The following BCL3 variants were observed in gnomAD, a reference collection of about 807,000 sequenced individuals.
The protein encoded by BCL3 is BCL3 transcription coactivator.
BCL3 carries 15 observed loss-of-function variants against 35.7 expected under a neutral mutation model. The observed-to-expected ratio is 0.42, with a 90% CI of 0.28 to 0.65. The LOEUF is 0.65. Among genes scored for constraint, BCL3 ranks in the 30% least tolerant of loss-of-function variants. BCL3 has a pLI of 0.22. For missense variants in BCL3, 565 were observed against 641.7 expected (o/e 0.88, Z 1.29); for synonymous variants, 311 against 284.3 (o/e 1.09, Z -0.95).
chr19:44,753,459 T>C, intron 2 of BCL3, among the ~76,000 whole-genome samples: 1 of 152,092 alleles, frequency 6.6e-6, no homozygotes, highest in Non-Finnish European at 1.5e-5. Context: ...GGAAATCCCT[T>C]CCCGCAGAAC....
Position 44,758,251 on chromosome 19 carries a change from C to A in BCL3, c.897C>A (p.Gly299=). Residue 299 remains glycine (G), a synonymous_variant, in exon 7 of 9, where the codon GGC becomes GGA. Transcript: ENST00000164227. ...CCGGCCCTCCCGTCCCGCAGCACGG[C>A]GCCAACGTGAACGCGCAAATGTACT... ...LSMVQLLLQH[G]ANVNAQMYSG... 1 of 1,495,204 alleles carries A rather than the reference C, an allele frequency of 6.7e-7. No individual in the cohort carries two copies. Among genetic ancestry groups the A allele is most frequent in the South Asian group, 1.3e-5 (1 of 75,350 alleles). The allele number at this position is 1,495,204 out of a possible 1,614,324, so 92.6% of individuals were successfully genotyped here. A position where few individuals can be genotyped will look rare whatever the true frequency, so the allele number is the denominator to read the frequency against.
upstream of BCL3, chr19:44,748,213 CAG>C (rs773917240): frequency 7.2e-6 from 4 of 556,358 alleles, no homozygotes; most frequent in African/African-American, 4.0e-5. Flanking sequence ...AACTGAGAGG[CAG>C]AGAGATGGTG....
Position 44,758,308 on chromosome 19 carries a change from C to T in BCL3, c.954C>T (p.Gly318=). ...GCTCCGCCCTGCACTCAGCGTCCGG[C>T]CGCGGGCTCCTCCCGCTGGTGCGCA... ...SGSSALHSAS[G]RGLLPLVRTL... Residue 318 remains glycine, a synonymous_variant, in exon 7 of 9, where the codon GGC becomes GGT. Transcript: ENST00000164227. 1 of 1,567,850 alleles carries T rather than the reference C, an allele frequency of 6.4e-7. No homozygotes were observed. The highest frequency in any genetic ancestry group is 8.6e-7 in the Non-Finnish European group (1 of 1,165,842).
chr19:44,754,777 C>T (rs903858814), intron 2 of BCL3, among the ~76,000 whole-genome samples: 13 of 152,242 alleles, frequency 8.5e-5, no homozygotes, highest in Admixed American at 2.6e-4. Context: ...GATTAGGAGT[C>T]AGGTTCAGCG....
chr19:44,748,981 G>T lies in BCL3; in HGVS notation c.191G>T (p.Cys64Phe). ...CCCCTGGACCCTCTGCGCGGCGGCT[G>T]CGACCTGCCGGCGGTCCCCGGGCCC... Reference protein sequence around the residue: ...VVPLDPLRGGCDLPAVPGPPH... With the variant: ...VVPLDPLRGGFDLPAVPGPPH... The change falls in exon 1 of 9, where the codon TGC becomes TTC. Residue 64 changes from cysteine (C) to phenylalanine (F), a missense_variant. Cys to Phe is a radical substitution (Grantham distance 205). Around this residue, in one of 5 missense-constraint regions of BCL3, gnomAD observed 267 missense variants for 281.5 expected, o/e 0.95. Transcript: ENST00000164227. 7.2e-7 allele frequency: 1 copy of T among 1,381,502 alleles called. No homozygotes were observed. Among genetic ancestry groups the T allele is most frequent in the Non-Finnish European group, 9.4e-7 (1 of 1,065,472 alleles). 85.6% of individuals were successfully genotyped at this position (1,381,502 alleles called of 1,614,324 possible).
Position 44,756,292 on chromosome 19 carries a change from C to T in BCL3, c.471C>T (p.Leu157=), listed in dbSNP as rs1307232529. The T allele has an allele frequency of 1.9e-6, 3 of 1,552,636 alleles. No homozygotes were observed. The highest frequency in any genetic ancestry group is 2.8e-5 in the African/African-American group (2 of 72,442). ...NLPAVHRLVN[L]FQQGGRELDI... ...CAGCTGTGCACCGGCTGGTCAACCTCTTCCAGCAGGGGGGCCGGGAGCTCG... is the reference window on the plus strand; with the variant it reads ...CAGCTGTGCACCGGCTGGTCAACCTTTTCCAGCAGGGGGGCCGGGAGCTCG... The change falls in exon 3 of 9, where the codon CTC becomes CTT. Residue 157 remains leucine, a synonymous_variant. Coordinates refer to ENST00000164227, the MANE Select transcript of BCL3 (RefSeq NM_005178.5).
At chr19:44,751,031 G>A (rs1386719355) in intron 1 of BCL3, among the ~76,000 whole-genome samples, 196 bp from the exon 2 acceptor site, 1 of 152,130 alleles carries the variant, frequency 6.6e-6, no homozygotes, top group Non-Finnish European at 1.5e-5. Context: ...TAGAGGGAGA[G>A]GAAGCTGCCA....
At position 44,758,323 on chromosome 19, in the gene BCL3, G is replaced by T; in HGVS notation, c.969G>T (p.Pro323=). The T allele has an allele frequency of 6.4e-6, 10 of 1,573,240 alleles. No homozygotes were observed. The highest frequency in any genetic ancestry group is 8.6e-6 in the Non-Finnish European group (10 of 1,167,238). Residue 323 remains proline, a synonymous_variant, in exon 7 of 9, where the codon CCG becomes CCT. Transcript: ENST00000164227. Reference sequence around the variant, plus strand: ...CAGCGTCCGGCCGCGGGCTCCTCCCGCTGGTGCGCACGCTGGTCCGCAGCG... The same window carrying T: ...CAGCGTCCGGCCGCGGGCTCCTCCCTCTGGTGCGCACGCTGGTCCGCAGCG... ...LHSASGRGLL[P]LVRTLVRSGA...
At position 44,757,008 on chromosome 19, in the gene BCL3, GTTCCCCA is replaced by G; in HGVS notation, c.520-8_520-2del. 6.3e-7 allele frequency: 1 copy of G among 1,594,974 alleles called. No homozygotes were observed. The highest frequency in any genetic ancestry group is 8.6e-7 in the Non-Finnish European group (1 of 1,167,302). ...TGGACACAGGTCCCTCACAGTCACTGTTCCCCAGACACCGCTCCACCTGGCTGTGATC... is the reference window on the plus strand; with the variant it reads ...TGGACACAGGTCCCTCACAGTCACTGGACACCGCTCCACCTGGCTGTGATC... On this transcript the variant is annotated splice_acceptor_variant and splice_polypyrimidine_tract_variant and intron_variant, in intron 3 of 8. Transcript: ENST00000164227. LOFTEE classifies it high-confidence loss of function. This position sits in a 1 kb window ranked among gnomAD's most constrained non-coding sequence, Gnocchi z 8.4.
At chr19:44,756,366 G>T in intron 3 of BCL3, 26 bp downstream of exon 3, 1 of 1,435,724 alleles carries the variant, frequency 7.0e-7, no homozygotes. Flanking sequence ...AGGGAGGAGG[G>T]CTGGGGCCTG....
rs751355987 is a variant in BCL3, at chr19:44,756,304, G to A, written c.483G>A (p.Gly161=). ...GGCTGGTCAACCTCTTCCAGCAGGGGGGCCGGGAGCTCGACATCTACAACA... is the reference window on the plus strand; with the variant it reads ...GGCTGGTCAACCTCTTCCAGCAGGGAGGCCGGGAGCTCGACATCTACAACA... ...VHRLVNLFQQ[G]GRELDIYNNL... Residue 161 remains glycine (G), a synonymous_variant, in exon 3 of 9, where the codon GGG becomes GGA. Transcript: ENST00000164227. 2 of 1,546,114 alleles carry A rather than the reference G, an allele frequency of 1.3e-6. No individual in the cohort carries two copies. Among genetic ancestry groups the A allele is most frequent in the Non-Finnish European group, 8.8e-7 (1 of 1,142,186 alleles).
At chr19:44,748,379 GAC>G (rs1414250270), upstream of BCL3, among the ~76,000 whole-genome samples, 2 of 152,044 alleles carry the variant, frequency 1.3e-5, no homozygotes, top group African/African-American at 2.4e-5. Context: ...GGGCCAGAAA[GAC>G]AAAAACAGAG....
intron 8 of BCL3, among the ~76,000 whole-genome samples, 183 bp downstream of exon 8, chr19:44,759,024 C>T (rs1454163385): frequency 7.7e-6 from 1 of 130,526 alleles, no homozygotes; most frequent in Non-Finnish European, 1.6e-5. Context: ...CCTCAGACCC[C>T]AGCCCCTCCT....
chr19:44,756,211 C>A lies in BCL3; in HGVS notation c.411-21C>A. On this transcript the variant is annotated intron_variant, in intron 2 of 8. Transcript: ENST00000164227. ...TGAACAACCCCTAATGCCTGTGATT[C>A]CTTCACTCCCCCACCCCCAGGCCTC... 2.1e-6 allele frequency: 3 copies of A among 1,423,322 alleles called. No individual in the cohort carries two copies. The South Asian group carries it at 4.7e-5, about 22-fold the overall frequency. The allele number at this position is 1,423,322 out of a possible 1,614,324, so 88.2% of individuals were successfully genotyped here. A position where few individuals can be genotyped will look rare whatever the true frequency, so the allele number is the denominator to read the frequency against.
At chr19:44,752,430 C>T (rs888959391) in intron 2 of BCL3, among the ~76,000 whole-genome samples, 2 of 151,916 alleles carry the variant, frequency 1.3e-5, no homozygotes, top group East Asian at 1.9e-4. Flanking sequence ...TGGTCTCAAA[C>T]TCCTGGGCTT....
Position 44,758,823 on chromosome 19 carries a change from A to G in BCL3, c.1159A>G (p.Ser387Gly). The stretch of plus-strand genomic sequence containing the variant: ...CGCCAACACCTCCCCCGAGAGCAGC[A>G]GCCGCCTCAGCTCCAATGGTGAGAA... ...RSANTSPESS[S>G]RLSSNGLLSA... The change falls in exon 8 of 9, where the codon AGC becomes GGC. Residue 387 changes from serine to glycine, a missense_variant. Transcript: ENST00000164227. 1 of 1,600,340 alleles carries G rather than the reference A, an allele frequency of 6.2e-7. No individual in the cohort carries two copies. Among genetic ancestry groups the G allele is most frequent in the South Asian group, 1.1e-5 (1 of 89,264 alleles).
chr19:44,758,514 C>T, intron 7 of BCL3, 101 bp downstream of exon 7: 1 of 1,448,644 alleles, frequency 6.9e-7, no homozygotes. Context: ...GTGTCTGTGC[C>T]GTTGCGTGGA....
chr19:44,759,404 CCT>C lies in BCL3; in HGVS notation c.1178-21_1178-20del, dbSNP rs764259711. 4.5e-6 allele frequency: 7 copies of C among 1,547,902 alleles called. No individual in the cohort carries two copies. The East Asian group carries it at 1.7e-4, about 37-fold the overall frequency. ...TGGGTCTAGCCTCTCACCACCCACCCCTCTGTCTCTCTTCCTTCCTCAGGTCT... is the reference window on the plus strand; with the variant it reads ...TGGGTCTAGCCTCTCACCACCCACCCCTGTCTCTCTTCCTTCCTCAGGTCT... On this transcript the variant is annotated intron_variant, in intron 8 of 8. Coordinates refer to ENST00000164227, the MANE Select transcript of BCL3 (RefSeq NM_005178.5).
At chr19:44,754,886 G>A (rs1024827026) in intron 2 of BCL3, among the ~76,000 whole-genome samples, 7 of 152,388 alleles carry the variant, frequency 4.6e-5, no homozygotes, top group East Asian at 1.9e-4. Flanking sequence ...CCTAGCACGC[G>A]GCTACGCTAG....
Sources: gnomAD v4.1 joint callset for allele counts (sites outside exome capture counted in the v4.1 genomes callset) on GRCh38, gnomAD v4.1.1 for gene constraint, gnomAD v4.1.1 regional missense constraint, Gnocchi (gnomAD v3.1) non-coding constraint, MANE v1.5 for transcripts, NCBI Gene and HGNC (gene_info 2026-07-23, HGNC 2026-07-21) for gene names.